The following MPRIP variants were observed in gnomAD, a reference collection of about 807,000 sequenced individuals.
The protein encoded by MPRIP is myosin phosphatase Rho-interacting protein.
Under a neutral mutation model 234.9 loss-of-function variants are expected in MPRIP, and 59 were observed. That is an observed-to-expected ratio of 0.25 (90% CI 0.20 to 0.31). The LOEUF is 0.31. Among genes scored for constraint, MPRIP ranks in the 10% least tolerant of loss-of-function variants. The probability of loss-of-function intolerance (pLI) is 1.00; values close to 1 mark genes in which losing one functional copy is unlikely to be tolerated. For missense variants in MPRIP, 2,436 were observed against 3,071.0 expected, an observed-to-expected ratio of 0.79 and a Z score of 4.89; for synonymous variants, 1,144 against 1,263.9, an observed-to-expected ratio of 0.91 and a Z score of 2.01.
chr17:17,051,767 G>A (rs2088549158), intron 1 of MPRIP, among the ~76,000 whole-genome samples: 2 of 152,256 alleles, frequency 1.3e-5, no homozygotes, highest in Non-Finnish European at 2.9e-5. Flanking sequence ...TCTGGAAGCT[G>A]GAACTGAAAT....
At chr17:17,159,790 T>C (rs781776442) in intron 14 of MPRIP, among the ~76,000 whole-genome samples, 4 of 152,226 alleles carry the variant, frequency 2.6e-5, no homozygotes, top group African/African-American at 9.6e-5. Context: ...TTTTCAACAC[T>C]GTGTTTCAAA....
chr17:17,136,623 G>A lies in MPRIP; in HGVS notation c.736+173G>A, dbSNP rs187966874. 1.7e-4 allele frequency among the ~76,000 whole-genome samples: 26 copies of A among 152,332 alleles called. No homozygotes were observed. In the East Asian group the frequency reaches 4.8e-3, roughly 28 times the overall value. ...TGGCCTGGTATGTTCTGAGATTCCC[G>A]GGCTCCAGTCTTGGCCTTGCCCCTT... is the stretch of plus-strand genomic sequence containing the variant. On this transcript the variant is annotated intron_variant, in intron 6 of 23. Coordinates refer to ENST00000651222, the MANE Select transcript of MPRIP (RefSeq NM_001364716.4).
chr17:17,180,670 G>A, intron 23 of MPRIP: 1 of 1,612,894 alleles, frequency 6.2e-7, no homozygotes, highest in Non-Finnish European at 8.5e-7. Context: ...CATGCAGGAG[G>A]TAAACCGCCT....
At chr17:17,077,969 G>A in intron 2 of MPRIP, 42 bp from the exon 3 acceptor site, 1 of 1,609,238 alleles carries the variant, frequency 6.2e-7, no homozygotes, top group East Asian at 2.2e-5. Flanking sequence ...CTGGGGCCAG[G>A]ACCCAGATCC....
At chr17:17,061,486 G>A (rs1294476903) in intron 1 of MPRIP, among the ~76,000 whole-genome samples, 2 of 152,180 alleles carry the variant, frequency 1.3e-5, no homozygotes, top group African/African-American at 4.8e-5. Flanking sequence ...TATTAGCCAC[G>A]GTTTGCACGC....
intron 6 of MPRIP, 115 bp from the exon 7 acceptor site, chr17:17,137,801 C>A: frequency 2.5e-6 from 2 of 810,684 alleles, no homozygotes; most frequent in Non-Finnish European, 3.7e-6. Context: ...ATGTTAGAGA[C>A]GGGAGGTGGA....
At chr17:17,129,379 C>A (rs1169137422) in intron 4 of MPRIP, among the ~76,000 whole-genome samples, 1 of 152,190 alleles carries the variant, frequency 6.6e-6, no homozygotes, top group South Asian at 2.1e-4. Flanking sequence ...CCTCTCCTCT[C>A]TTCTTGGGGT....
Position 17,173,943 on chromosome 17 carries a change from A to T in MPRIP, c.6618A>T (p.Glu2206Asp). 6.2e-7 allele frequency: 1 copy of T among 1,613,604 alleles called. No homozygotes were observed. The highest frequency in any genetic ancestry group is 1.1e-5 in the South Asian group (1 of 91,084). ...YLEELQSVQR[E>D]LEVLSEQYSQ... ...AGGAGCTGCAGTCGGTGCAGCGGGAACTGGAGGTCCTCTCGGAGCAGTACT... is the reference window on the plus strand; with the variant it reads ...AGGAGCTGCAGTCGGTGCAGCGGGATCTGGAGGTCCTCTCGGAGCAGTACT... Residue 2206 changes from glutamate to aspartate, a missense_variant, in exon 19 of 24, where the codon GAA (glutamate) becomes GAT (aspartate). This residue lies in a region of MPRIP where 1,998 missense variants were observed against 2,520.3 expected (regional missense o/e 0.79). Coordinates refer to ENST00000651222, the MANE Select transcript of MPRIP (RefSeq NM_001364716.4).
In MPRIP at chr17:17,136,469, G is replaced by A. The variant is rs1447374881; in HGVS notation, c.736+19G>A. ...AAAGAAGGTGAGCGGAGGCCAGGCT[G>A]GCTTGTATGCACGGGAATGGCCCTC... On this transcript the variant is annotated intron_variant, in intron 6 of 23. Transcript: ENST00000651222. The A allele has an allele frequency of 6.3e-7, 1 of 1,598,628 alleles. No homozygotes were observed. Among genetic ancestry groups the A allele is most frequent in the Non-Finnish European group, 8.5e-7 (1 of 1,171,352 alleles).
intron 12 of MPRIP, among the ~76,000 whole-genome samples, chr17:17,153,598 G>T (rs1226826789): frequency 6.6e-6 from 1 of 150,662 alleles, no homozygotes; most frequent in South Asian, 2.1e-4. Flanking sequence ...AAGCACCGAG[G>T]ACAAGCCCTA....
At chr17:17,076,568 G>T (rs1053124675) in intron 2 of MPRIP, among the ~76,000 whole-genome samples, 8 of 152,138 alleles carry the variant, frequency 5.3e-5, no homozygotes, top group Admixed American at 5.2e-4. Context: ...TTCTAGAATG[G>T]GTTTTGATTT....
chr17:17,125,581 G>C (rs2090475875), intron 3 of MPRIP, among the ~76,000 whole-genome samples: 1 of 152,234 alleles, frequency 6.6e-6, no homozygotes, highest in African/African-American at 2.4e-5. Context: ...GGACAAGGAG[G>C]TTGCACCTAA....
intron 1 of MPRIP, among the ~76,000 whole-genome samples, chr17:17,066,683 A>G (rs2089033965): frequency 7.3e-6 from 1 of 137,750 alleles, no homozygotes; most frequent in African/African-American, 2.7e-5. Flanking sequence ...GAAACAACCT[A>G]GATATCCCCT....
intron 9 of MPRIP, among the ~76,000 whole-genome samples, chr17:17,144,238 GCCTCTTGTCTCCT>G (rs1165804453): frequency 6.6e-6 from 1 of 152,232 alleles, no homozygotes; most frequent in Non-Finnish European, 1.5e-5. Flanking sequence ...CCTGCTCACT[GCCTCTTGTCTCCT>G]CCTTGCTGCC....
At chr17:17,177,211 C>G in intron 21 of MPRIP, 39 bp from the exon 22 acceptor site, 2 of 1,594,552 alleles carry the variant, frequency 1.3e-6, no homozygotes, top group South Asian at 1.1e-5. Context: ...CTCCTCTTTC[C>G]TGGATGTAAC....
At chr17:17,183,577 A>G (rs777899263) in intron 23 of MPRIP, among the ~76,000 whole-genome samples, 2 of 152,168 alleles carry the variant, frequency 1.3e-5, no homozygotes, top group East Asian at 3.9e-4. Flanking sequence ...CACATTGTTT[A>G]TTTATTTACA....
rs1266287009 is a variant in MPRIP at position 17,192,525 on chromosome 17, G to A, written c.*7631G>A. The A allele has an allele frequency of 1.4e-5, 2 of 146,780 alleles. No homozygotes were observed. Among genetic ancestry groups the A allele is most frequent in the African/African-American group, 2.5e-5 (1 of 39,690 alleles). The allele number at this position is 146,780 out of a possible 1,614,324, so 9.1% of individuals were successfully genotyped here. Reference sequence around the variant, plus strand: ...CTACAATTGAAGTGTTACTTTGTCAGAATATTTATTCCTTTGTGTGACATG... The same window carrying A: ...CTACAATTGAAGTGTTACTTTGTCAAAATATTTATTCCTTTGTGTGACATG... On this transcript the variant is annotated 3_prime_UTR_variant, in exon 24 of 24. Coordinates refer to ENST00000651222, the MANE Select transcript of MPRIP (RefSeq NM_001364716.4).
At chr17:17,127,275 C>T (rs779179200) in intron 4 of MPRIP, among the ~76,000 whole-genome samples, 2 of 152,226 alleles carry the variant, frequency 1.3e-5, no homozygotes, top group African/African-American at 4.8e-5. Flanking sequence ...GCTGTGTCCA[C>T]GTGTGTCTCT....
At chr17:17,099,066 C>G (rs12451343) in intron 3 of MPRIP, among the ~76,000 whole-genome samples, 25,596 of 152,024 alleles carry the variant, frequency 0.17, 3,318 homozygotes, top group African/African-American at 0.34. Context: ...GGCAAAGGGT[C>G]GATGTGCAAA....
Sources: allele counts gnomAD v4.1 joint callset (sites outside exome capture counted in the v4.1 genomes callset), GRCh38; gene constraint gnomAD v4.1.1; regional missense constraint gnomAD v4.1.1; transcripts MANE v1.5; gene names NCBI Gene and HGNC (gene_info 2026-07-23, HGNC 2026-07-21).